Variants in GAB2 observed in about 807,000 individuals in gnomAD.
The protein encoded by GAB2 is GRB2 associated binding protein 2.
A neutral mutation model predicts 65.5 loss-of-function variants in GAB2; 26 were observed. The ratio of observed to expected loss-of-function variants is 0.40; its 90% CI spans 0.29 to 0.55. The LOEUF (loss-of-function observed/expected upper bound fraction) is 0.55, where lower values mean the gene tolerates loss of function less well. GAB2 is among the 20% of genes least tolerant of loss of function. The probability of loss-of-function intolerance (pLI) is 0.53; values close to 1 mark genes in which losing one functional copy is unlikely to be tolerated. For synonymous variants in GAB2, 321 were observed against 329.6 expected (o/e 0.97, Z 0.28); for missense variants, 884 against 875.8 (o/e 1.01, Z -0.12).
At chr11:78,406,376 G>T (rs543457616) in intron 1 of GAB2, among the ~76,000 whole-genome samples, 18 of 144,888 alleles carry the variant, frequency 1.2e-4, no homozygotes, top group Admixed American at 7.1e-4. Context: ...AAATGTCCAC[G>T]TTTAATTTTT....
At chr11:78,417,536 C>A (rs896063685) in intron 1 of GAB2, 110 bp downstream of exon 1, 1 of 432,276 alleles carries the variant, frequency 2.3e-6, no homozygotes, top group Non-Finnish European at 3.3e-6. Flanking sequence ...CGGCCCCCCG[C>A]GGCTCCGGGC....
chr11:78,310,527 AAAAG>A (rs1855477677), intron 1 of GAB2, among the ~76,000 whole-genome samples: 1 of 150,644 alleles, frequency 6.6e-6, no homozygotes, highest in Non-Finnish European at 1.5e-5. Context: ...AAAAAAAAAA[AAAAG>A]AAAAAAAAAT....
rs982712567 is a variant in GAB2, at chr11:78,236,955, T to A, written c.621-9904A>T. Among the ~76,000 whole-genome samples, 3 of 152,218 alleles carry A rather than the reference T, an allele frequency of 2.0e-5. No homozygotes were observed. The East Asian group carries it at 5.8e-4, about 29-fold the overall frequency. ...TTGGATTCGACTGCTAATCCTTTGT[T>A]TTTAAAGAGGATTTCTGTTTATTAT... On this transcript the variant is annotated intron_variant, in intron 3 of 9. Coordinates refer to ENST00000361507, the MANE Select transcript of GAB2 (RefSeq NM_080491.3).
In GAB2 at chr11:78,219,084, A is replaced by T. The variant is rs890041842; in HGVS notation, c.*188T>A. Reference sequence around the variant, plus strand: ...CAGCTGGGCCCCGAGTGGGCAGAGGAGGTGCCTTGATCAGGCCCTCACCTC... The same window carrying T: ...CAGCTGGGCCCCGAGTGGGCAGAGGTGGTGCCTTGATCAGGCCCTCACCTC... On this transcript the variant is annotated 3_prime_UTR_variant, in exon 10 of 10. Transcript: ENST00000361507. The T allele has an allele frequency of 5.6e-4, 327 of 582,474 alleles. 1 individual carries two copies. The highest frequency in any genetic ancestry group is 5.1e-4 in the Non-Finnish European group (170 of 331,022). 36.1% of individuals were successfully genotyped at this position (582,474 alleles called of 1,614,324 possible). A position where few individuals can be genotyped will look rare whatever the true frequency, so the allele number is the denominator to read the frequency against.
intron 1 of GAB2, among the ~76,000 whole-genome samples, chr11:78,406,204 C>T (rs766962639): frequency 4.6e-5 from 7 of 152,186 alleles, no homozygotes; most frequent in Non-Finnish European, 1.0e-4. Context: ...GGACTACCTT[C>T]CTATCGGGAG....
At chr11:78,408,531 T>C (rs1476338621) in intron 1 of GAB2, among the ~76,000 whole-genome samples, 1 of 152,242 alleles carries the variant, frequency 6.6e-6, no homozygotes, top group African/African-American at 2.4e-5. Flanking sequence ...AGCTCTAGCA[T>C]ATTAGAAATT....
At chr11:78,355,873 T>G (rs1856351195) in intron 1 of GAB2, among the ~76,000 whole-genome samples, 1 of 151,970 alleles carries the variant, frequency 6.6e-6, no homozygotes, top group Non-Finnish European at 1.5e-5. Flanking sequence ...AACTCATCTT[T>G]AAGACACAGT....
chr11:78,250,926 A>C (rs943243700), intron 2 of GAB2, among the ~76,000 whole-genome samples: 3 of 152,182 alleles, frequency 2.0e-5, no homozygotes, highest in Non-Finnish European at 4.4e-5. Context: ...ATAAAGACGG[A>C]AACAGTAGAC....
intron 1 of GAB2, among the ~76,000 whole-genome samples, chr11:78,364,405 T>C (rs572198718): frequency 4.7e-4 from 72 of 152,328 alleles, no homozygotes; most frequent in African/African-American, 1.7e-3. Flanking sequence ...CAGTAAGAAA[T>C]GTCTTTTAAA....
intron 2 of GAB2, among the ~76,000 whole-genome samples, chr11:78,255,511 C>T (rs1255307736): frequency 6.6e-6 from 1 of 152,144 alleles, no homozygotes; most frequent in African/African-American, 2.4e-5. Context: ...TCATTTTGGA[C>T]CCTGATGGCC....
rs145571360 is a variant in GAB2, at chr11:78,266,047, T to A, written c.376+14554A>T. ...TTGACCAACATGGTGAAACCCCATC[T>A]CTACTAAAAATACAAAAATTTGCCG... On this transcript the variant is annotated intron_variant, in intron 2 of 9. Transcript: ENST00000361507. 7.7e-3 allele frequency among the ~76,000 whole-genome samples: 1,169 copies of A among 151,600 alleles called. 14 individuals carry two copies. Among genetic ancestry groups the A allele is most frequent in the African/African-American group, 0.027 (1,107 of 41,326 alleles).
Position 78,300,673 on chromosome 11 carries a change from T to G in GAB2, c.76-19772A>C, listed in dbSNP as rs554602619. ...TGGGTAATGTTATCTCACTGTGTGGTTTTTTTTTTTGGTTTTTTTTTGTTT... is the reference window on the plus strand; with the variant it reads ...TGGGTAATGTTATCTCACTGTGTGGGTTTTTTTTTTGGTTTTTTTTTGTTT... On this transcript the variant is annotated intron_variant, in intron 1 of 9. Transcript: ENST00000361507. 1.1e-4 allele frequency among the ~76,000 whole-genome samples: 14 copies of G among 132,554 alleles called. No individual in the cohort carries two copies. The East Asian group carries it at 2.2e-3, about 21-fold the overall frequency. 87.0% of individuals were successfully genotyped at this position (132,554 alleles called of 152,430 possible).
At chr11:78,273,071 G>A (rs1156969940) in intron 2 of GAB2, among the ~76,000 whole-genome samples, 2 of 152,372 alleles carry the variant, frequency 1.3e-5, no homozygotes, top group East Asian at 3.9e-4. Context: ...TGGATGCCCA[G>A]GCAGAAGTTT....
chr11:78,248,546 T>C (rs1254665208), intron 3 of GAB2, among the ~76,000 whole-genome samples: 1 of 152,240 alleles, frequency 6.6e-6, no homozygotes, highest in African/African-American at 2.4e-5. Flanking sequence ...ACTACAACTA[T>C]GATTTTAAGA....
At chr11:78,289,275 T>G (rs1373132372) in intron 1 of GAB2, among the ~76,000 whole-genome samples, 2 of 152,196 alleles carry the variant, frequency 1.3e-5, no homozygotes, top group East Asian at 3.9e-4. Flanking sequence ...AAAGGCCTTT[T>G]CAAGAAATGG....
intron 3 of GAB2, among the ~76,000 whole-genome samples, chr11:78,235,472 A>G (rs117732488): frequency 0.012 from 1,870 of 152,136 alleles, 20 homozygotes; most frequent in Middle Eastern, 0.02. Context: ...TTTCTATCAC[A>G]TCGTCAGGTG....
chr11:78,232,595 A>G (rs1864875707), intron 3 of GAB2, among the ~76,000 whole-genome samples: 1 of 152,182 alleles, frequency 6.6e-6, no homozygotes, highest in Non-Finnish European at 1.5e-5. Flanking sequence ...TGAGAAATGA[A>G]GTTATTTTAG....
chr11:78,355,601 C>A (rs772871250), intron 1 of GAB2, among the ~76,000 whole-genome samples: 3 of 146,098 alleles, frequency 2.1e-5, no homozygotes, highest in Non-Finnish European at 4.4e-5. Context: ...CACTTGAGCC[C>A]AGGAGTCCGA....
At chr11:78,361,997 C>T (rs575506902) in intron 1 of GAB2, among the ~76,000 whole-genome samples, 1 of 151,958 alleles carries the variant, frequency 6.6e-6, no homozygotes, top group Admixed American at 6.6e-5. Context: ...TGATGTACTA[C>T]CACTCAGCTG....
Sources: allele counts gnomAD v4.1 joint callset (sites outside exome capture counted in the v4.1 genomes callset), GRCh38; gene constraint gnomAD v4.1.1; transcripts MANE v1.5; gene names NCBI Gene and HGNC (gene_info 2026-07-23, HGNC 2026-07-21).